EXOC4: variants seen among roughly 807,000 people sequenced by gnomAD.
EXOC4 encodes the protein exocyst complex component 4.
A neutral mutation model predicts 107.2 loss-of-function variants in EXOC4; 71 were observed. The ratio of observed to expected loss-of-function variants is 0.66; its 90% CI spans 0.55 to 0.81. The LOEUF (loss-of-function observed/expected upper bound fraction) is 0.81. Among genes scored for constraint, EXOC4 ranks in the 30% least tolerant of loss-of-function variants. EXOC4 has a pLI of 0.00. For synonymous variants in EXOC4, 456 were observed against 441.2 expected (o/e 1.03, Z -0.42); for missense variants, 1,108 against 1,189.6 (o/e 0.93, Z 1.01).
intron 2 of EXOC4, among the ~76,000 whole-genome samples, chr7:133,281,626 C>T (rs1325473931): frequency 2.0e-5 from 3 of 151,650 alleles, no homozygotes; most frequent in African/African-American, 2.4e-5. Context: ...TATTCTATTA[C>T]AGATAATATG....
At chr7:133,588,946 ATGTG>A (rs528855556) in intron 9 of EXOC4, among the ~76,000 whole-genome samples, 146 of 149,750 alleles carry the variant, frequency 9.7e-4, no homozygotes, top group South Asian at 3.0e-3. Flanking sequence ...GTGTATGTAT[ATGTG>A]TGTGTGCACA....
intron 17 of EXOC4, among the ~76,000 whole-genome samples, chr7:134,056,362 G>C (rs914999236): frequency 6.6e-6 from 1 of 152,142 alleles, no homozygotes; most frequent in African/African-American, 2.4e-5. Context: ...AAAGTAAAAT[G>C]AAGGCCCTAA....
At chr7:133,457,200 A>G (rs1584932172) in intron 7 of EXOC4, among the ~76,000 whole-genome samples, 2 of 152,308 alleles carry the variant, frequency 1.3e-5, no homozygotes, top group South Asian at 4.1e-4. Flanking sequence ...CAGATGTTGG[A>G]ATGAGCTTAC....
intron 10 of EXOC4, among the ~76,000 whole-genome samples, chr7:133,763,833 CT>C (rs1251374934): frequency 6.6e-6 from 1 of 151,876 alleles, no homozygotes; most frequent in East Asian, 1.9e-4. Context: ...ATAGAATTCT[CT>C]GAAAGTAATA....
intron 1 of EXOC4, chr7:133,253,500 T>G (rs1794941833): frequency 9.2e-7 from 1 of 1,088,408 alleles, no homozygotes; most frequent in Non-Finnish European, 1.1e-6. Context: ...AAAGGTGTGT[T>G]TATTGATTCC....
At chr7:133,466,599 C>T (rs1383293740) in intron 7 of EXOC4, among the ~76,000 whole-genome samples, 1 of 152,096 alleles carries the variant, frequency 6.6e-6, no homozygotes, top group Non-Finnish European at 1.5e-5. Flanking sequence ...AATATTCTGT[C>T]AAACATTTAA....
At chr7:133,478,604 A>G (rs1205790790) in intron 8 of EXOC4, among the ~76,000 whole-genome samples, 1 of 152,192 alleles carries the variant, frequency 6.6e-6, no homozygotes, top group Non-Finnish European at 1.5e-5. Flanking sequence ...CCTGAGTACC[A>G]AAAATACATC....
chr7:133,320,550 C>T (rs941267379), intron 5 of EXOC4, among the ~76,000 whole-genome samples: 5 of 152,150 alleles, frequency 3.3e-5, no homozygotes, highest in African/African-American at 1.2e-4. Context: ...ATCTCAAGGT[C>T]CTTAACTTTA....
intron 7 of EXOC4, among the ~76,000 whole-genome samples, chr7:133,456,327 T>C (rs1798462314): frequency 6.6e-6 from 1 of 152,184 alleles, no homozygotes; most frequent in Non-Finnish European, 1.5e-5. Flanking sequence ...AAAGAATGGC[T>C]GCACCAAGGT....
At position 133,612,867 on chromosome 7, in the gene EXOC4, G is replaced by A. The variant is rs747787700; in HGVS notation, c.1418-17178G>A. Among the ~76,000 whole-genome samples, 55 of 152,282 alleles carry A rather than the reference G, an allele frequency of 3.6e-4. No individual in the cohort carries two copies. The Middle Eastern group carries it at 0.017, about 47-fold the overall frequency. On this transcript the variant is annotated intron_variant, in intron 9 of 17. Coordinates refer to ENST00000253861, the MANE Select transcript of EXOC4 (RefSeq NM_021807.4). ...TTTTAGACATGAACAACTAAAGGTG[G>A]TTGTTCTTACCATTACCAGGACCTT...
At chr7:133,995,373 C>T (rs1162691887) in intron 14 of EXOC4, among the ~76,000 whole-genome samples, 1 of 152,322 alleles carries the variant, frequency 6.6e-6, no homozygotes, top group East Asian at 1.9e-4. Context: ...TGCCTCTTCT[C>T]ATTGATACGT....
chr7:133,960,070 C>T (rs1800907718), intron 14 of EXOC4, among the ~76,000 whole-genome samples: 1 of 152,008 alleles, frequency 6.6e-6, no homozygotes, highest in South Asian at 2.1e-4. Context: ...CAGGATATGC[C>T]AAGATAACAG....
chr7:133,278,482 G>A (rs377601506), intron 2 of EXOC4, among the ~76,000 whole-genome samples: 2 of 152,146 alleles, frequency 1.3e-5, no homozygotes, highest in African/African-American at 4.8e-5. Context: ...GCTTCACTGA[G>A]GGCCCATATG....
intron 9 of EXOC4, among the ~76,000 whole-genome samples, chr7:133,605,741 G>C (rs867627756): frequency 2.0e-5 from 3 of 152,154 alleles, no homozygotes; most frequent in Non-Finnish European, 4.4e-5. Flanking sequence ...GTTCAGGAGA[G>C]AGGTCTGGGC....
chr7:133,772,344 A>G (rs1796260782), intron 10 of EXOC4, among the ~76,000 whole-genome samples: 1 of 152,072 alleles, frequency 6.6e-6, no homozygotes, highest in Admixed American at 6.6e-5. Context: ...CAACTTATGC[A>G]TTAGAACACA....
At chr7:133,456,793 G>C (rs1046840761) in intron 7 of EXOC4, among the ~76,000 whole-genome samples, 1 of 152,176 alleles carries the variant, frequency 6.6e-6, no homozygotes, top group African/African-American at 2.4e-5. Context: ...GATACTTGTG[G>C]TGTGTAGCAC....
chr7:133,855,461 A>G (rs1275835198), intron 11 of EXOC4, among the ~76,000 whole-genome samples: 2 of 152,050 alleles, frequency 1.3e-5, no homozygotes, highest in African/African-American at 2.4e-5. Context: ...GATTATCTCA[A>G]TTCTAAAGAT....
At chr7:134,060,152 G>A (rs150806555) in intron 17 of EXOC4, among the ~76,000 whole-genome samples, 8 of 152,272 alleles carry the variant, frequency 5.3e-5, no homozygotes, top group African/African-American at 1.7e-4. Flanking sequence ...CATGAGACCA[G>A]TCTGTGAAGT....
intron 11 of EXOC4, among the ~76,000 whole-genome samples, chr7:133,883,099 G>A (rs1048156028): frequency 1.3e-5 from 2 of 152,060 alleles, no homozygotes; most frequent in Non-Finnish European, 2.9e-5. Context: ...TATCACCAGA[G>A]GTTACTTTTC....
Sources: gnomAD v4.1 joint callset for allele counts (sites outside exome capture counted in the v4.1 genomes callset) on GRCh38, gnomAD v4.1.1 for gene constraint, MANE v1.5 for transcripts, NCBI Gene and HGNC (gene_info 2026-07-23, HGNC 2026-07-21) for gene names.